Variants in MYOCD observed in about 807,000 individuals in gnomAD.
The protein encoded by MYOCD is myocardin.
MYOCD carries 32 observed loss-of-function variants against 96.1 expected under a neutral mutation model. The ratio of observed to expected loss-of-function variants is 0.33; its 90% CI spans 0.25 to 0.45. MYOCD has a LOEUF of 0.45. Ranked by LOEUF, MYOCD falls within the 20% of genes least tolerant of loss-of-function variation. MYOCD has a pLI of 1.00. For synonymous variants in MYOCD, 469 were observed against 469.0 expected (o/e 1.00, Z 0.00); for missense variants, 1,133 against 1,200.6 (o/e 0.94, Z 0.83).
chr17:12,762,732 A>G, intron 13 of MYOCD: 1 of 214,106 alleles, frequency 4.7e-6, no homozygotes. Context: ...AGAAAGTGGC[A>G]ATGGCATGGC....
chr17:12,749,432 G>A (rs1290833882), intron 9 of MYOCD, among the ~76,000 whole-genome samples: 1 of 151,854 alleles, frequency 6.6e-6, no homozygotes, highest in Non-Finnish European at 1.5e-5. Flanking sequence ...AGGAGGCTGA[G>A]GCAGGGGAAT....
At chr17:12,681,722 T>A (rs889507441) in intron 1 of MYOCD, among the ~76,000 whole-genome samples, 1 of 152,116 alleles carries the variant, frequency 6.6e-6, no homozygotes, top group Non-Finnish European at 1.5e-5. Flanking sequence ...GCTGCTTGAG[T>A]GCTCTCCTGT....
At chr17:12,701,632 T>C (rs982450212) in intron 1 of MYOCD, among the ~76,000 whole-genome samples, 5 of 152,166 alleles carry the variant, frequency 3.3e-5, no homozygotes, top group African/African-American at 4.8e-5. Context: ...AGGTCACTGA[T>C]TTAATGTTTC....
chr17:12,734,757 C>T (rs2032292286), intron 5 of MYOCD, among the ~76,000 whole-genome samples: 1 of 152,138 alleles, frequency 6.6e-6, no homozygotes, highest in Non-Finnish European at 1.5e-5. Flanking sequence ...GATCCACCTG[C>T]CTCGGCCTCC....
At chr17:12,698,518 A>G (rs1217509430) in intron 1 of MYOCD, among the ~76,000 whole-genome samples, 1 of 152,184 alleles carries the variant, frequency 6.6e-6, no homozygotes, top group East Asian at 1.9e-4. Flanking sequence ...TCACCACTGT[A>G]TGCCAACAGC....
chr17:12,716,155 G>T (rs938064222), intron 3 of MYOCD, among the ~76,000 whole-genome samples: 1 of 152,178 alleles, frequency 6.6e-6, no homozygotes. Context: ...AACACTTTGA[G>T]TGAGAAGGAA....
At chr17:12,704,194 A>C (rs1235921708) in intron 1 of MYOCD, among the ~76,000 whole-genome samples, 4 of 152,200 alleles carry the variant, frequency 2.6e-5, no homozygotes, top group African/African-American at 4.8e-5. Context: ...TTAGCAGATG[A>C]TTAATCCAAG....
intron 1 of MYOCD, among the ~76,000 whole-genome samples, chr17:12,667,447 A>C (rs1197830586): frequency 1.3e-5 from 2 of 152,194 alleles, no homozygotes; most frequent in African/African-American, 4.8e-5. Flanking sequence ...CAGTGGATTA[A>C]GTCCTTCCTT....
chr17:12,687,619 G>A (rs746414606), intron 1 of MYOCD, among the ~76,000 whole-genome samples: 52 of 152,038 alleles, frequency 3.4e-4, no homozygotes, highest in Non-Finnish European at 1.3e-4. Flanking sequence ...TTATCATTTT[G>A]TTAAAAGTTT....
At chr17:12,726,895 A>G (rs758986406) in intron 5 of MYOCD, among the ~76,000 whole-genome samples, 2 of 152,066 alleles carry the variant, frequency 1.3e-5, no homozygotes, top group African/African-American at 2.4e-5. Context: ...GTTTTTTTCA[A>G]TTTTGCCCAT....
chr17:12,729,246 G>A (rs1054567166), intron 5 of MYOCD, among the ~76,000 whole-genome samples: 2 of 152,198 alleles, frequency 1.3e-5, no homozygotes, highest in Non-Finnish European at 2.9e-5. Context: ...AACACACTGA[G>A]GCATACGTGA....
intron 1 of MYOCD, among the ~76,000 whole-genome samples, chr17:12,670,643 G>C (rs1485566315): frequency 6.6e-6 from 1 of 152,066 alleles, no homozygotes; most frequent in African/African-American, 2.4e-5. Flanking sequence ...TAATATTTAT[G>C]TATGTACATA....
chr17:12,755,872 A>C (rs527543130), intron 10 of MYOCD, among the ~76,000 whole-genome samples: 1 of 152,210 alleles, frequency 6.6e-6, no homozygotes, highest in Non-Finnish European at 1.5e-5. Flanking sequence ...ACTCCGTCTA[A>C]AAATAAATGA....
At chr17:12,705,517 C>T (rs1597760281) in intron 2 of MYOCD, 2 of 197,320 alleles carry the variant, frequency 1.0e-5, no homozygotes, top group Non-Finnish European at 2.0e-5. Flanking sequence ...TTTCCAGAAG[C>T]ATCAATTACA....
At chr17:12,688,813 A>T (rs1247038395) in intron 1 of MYOCD, among the ~76,000 whole-genome samples, 1 of 150,188 alleles carries the variant, frequency 6.7e-6, no homozygotes, top group Non-Finnish European at 1.5e-5. Context: ...GTGGCAGCCC[A>T]TGATGTGGGC....
At position 12,701,407 on chromosome 17, in the gene MYOCD, G is replaced by A. The variant is rs1244366719; in HGVS notation, c.56-3721G>A. Among the ~76,000 whole-genome samples, 12 of 152,036 alleles carry A rather than the reference G, an allele frequency of 7.9e-5. No homozygotes were observed. The South Asian group carries it at 1.0e-3, about 13-fold the overall frequency. ...AGCCTTGGTGACAGAGTGAGACTCC[G>A]TCTCAAAATAAATAAAATAAAATAA... On this transcript the variant is annotated intron_variant, in intron 1 of 13. Transcript: ENST00000425538.
intron 2 of MYOCD, among the ~76,000 whole-genome samples, chr17:12,713,647 A>C (rs778601311): frequency 2.0e-5 from 3 of 152,196 alleles, no homozygotes; most frequent in Non-Finnish European, 4.4e-5. Flanking sequence ...GATTGTGTAG[A>C]TCCACAATGG....
chr17:12,719,261 C>T (rs1336102330), intron 4 of MYOCD, among the ~76,000 whole-genome samples: 1 of 145,978 alleles, frequency 6.9e-6, no homozygotes, highest in Non-Finnish European at 1.5e-5. Context: ...TCATGTGTGG[C>T]AAGAGTTACA....
intron 1 of MYOCD, among the ~76,000 whole-genome samples, chr17:12,675,704 A>G (rs1040703659): frequency 7.2e-5 from 11 of 152,178 alleles, no homozygotes; most frequent in Non-Finnish European, 1.5e-4. Flanking sequence ...TAAAAATACA[A>G]AAAATTAGCC....
Sources: allele counts gnomAD v4.1 joint callset (sites outside exome capture counted in the v4.1 genomes callset), GRCh38; gene constraint gnomAD v4.1.1; transcripts MANE v1.5; gene names NCBI Gene and HGNC (gene_info 2026-07-23, HGNC 2026-07-21).